The following ANGPTL6 variants were observed in gnomAD, a reference collection of about 807,000 sequenced individuals.
The protein encoded by ANGPTL6 is angiopoietin-related protein 6.
In ANGPTL6, 45 loss-of-function variants were observed where a neutral mutation model predicts 47.4. The observed-to-expected ratio is 0.95, with a 90% CI of 0.75 to 1.22. The LOEUF (loss-of-function observed/expected upper bound fraction) is 1.22. Among genes scored for constraint, ANGPTL6 ranks in the 50% most tolerant of loss-of-function variants. The pLI, the probability that ANGPTL6 is intolerant of heterozygous loss-of-function variation, is 0.00. For synonymous variants in ANGPTL6, 290 were observed against 295.9 expected, an observed-to-expected ratio of 0.98 and a Z score of 0.20; for missense variants, 698 against 669.4, an observed-to-expected ratio of 1.04 and a Z score of -0.47.
At chr19:10,103,355 CG>C (rs1287257545), upstream of ANGPTL6, among the ~76,000 whole-genome samples, 2 of 151,708 alleles carry the variant, frequency 1.3e-5, no homozygotes, top group African/African-American at 4.8e-5. Flanking sequence ...TTTGGGAGGC[CG>C]GGGCAGGTGG....
chr19:10,102,109 C>G lies in ANGPTL6; in HGVS notation c.-11+459G>C, dbSNP rs1254369030. Among the ~76,000 whole-genome samples, 3 of 112,142 alleles carry G rather than the reference C, an allele frequency of 2.7e-5. No individual in the cohort carries two copies. The East Asian group carries it at 7.5e-4, about 28-fold the overall frequency. The allele number at this position is 112,142 out of a possible 152,430, so 73.6% of individuals were successfully genotyped here. A position where few individuals can be genotyped will look rare whatever the true frequency, so the allele number is the denominator to read the frequency against. ...CCAGCCTGGGTGACAGAGCGAGACT[C>G]TGTCTCAAAAAAAAAAAAAAAAAAA... On this transcript the variant is annotated intron_variant, in intron 1 of 5. Coordinates refer to ENST00000253109, the MANE Select transcript of ANGPTL6 (RefSeq NM_031917.3).
chr19:10,094,646 A>C, intron 3 of ANGPTL6, 112 bp downstream of exon 3: 2 of 1,314,896 alleles, frequency 1.5e-6, no homozygotes, highest in South Asian at 2.4e-5. Flanking sequence ...TTTTAATCAG[A>C]ATAGGAGTAT....
chr19:10,100,203 C>T (rs1401790232), intron 1 of ANGPTL6, among the ~76,000 whole-genome samples: 1 of 151,756 alleles, frequency 6.6e-6, no homozygotes, highest in Non-Finnish European at 1.5e-5. Context: ...TGAGACCGCA[C>T]CACTGCCTTC....
intron 4 of ANGPTL6, 30 bp downstream of exon 4, chr19:10,093,663 C>A (rs181341264): frequency 6.2e-7 from 1 of 1,613,326 alleles, no homozygotes; most frequent in Non-Finnish European, 8.5e-7. Context: ...GGCTCCCTCC[C>A]CTTCCCTGCC....
At chr19:10,095,884 G>T in intron 2 of ANGPTL6, 98 bp downstream of exon 2, 2 of 758,628 alleles carry the variant, frequency 2.6e-6, no homozygotes, top group Non-Finnish European at 3.6e-6. Context: ...CCGGTTTTCA[G>T]GGTTTTGCGG....
rs949227445 is a variant in ANGPTL6 at position 10,096,459 on chromosome 19, C to G, written c.105G>C (p.Pro35=). Residue 35 remains proline, a synonymous_variant, in exon 2 of 6, where the codon CCG becomes CCC. Transcript: ENST00000253109. The part of the protein sequence containing the change: ...PRCTYTFVLP[P]QKFTGAVCWS... ...AGCACACAGCGCCCGTGAACTTCTG[C>G]GGGGGCAGCACGAAGGTGTAGGTGC... 2.0e-6 allele frequency: 3 copies of G among 1,472,370 alleles called. No homozygotes were observed. The highest frequency in any genetic ancestry group is 2.7e-6 in the Non-Finnish European group (3 of 1,120,646). The allele number at this position is 1,472,370 out of a possible 1,614,324, so 91.2% of individuals were successfully genotyped here. A position where few individuals can be genotyped will look rare whatever the true frequency, so the allele number is the denominator to read the frequency against.
intron 1 of ANGPTL6, among the ~76,000 whole-genome samples, chr19:10,097,261 C>T (rs957896037): frequency 6.6e-6 from 1 of 151,998 alleles, no homozygotes; most frequent in Non-Finnish European, 1.5e-5. Flanking sequence ...CAAAAATTAG[C>T]TGGGCATGGT....
At chr19:10,105,669 G>C (rs1323710789), upstream of ANGPTL6, among the ~76,000 whole-genome samples, 1 of 151,838 alleles carries the variant, frequency 6.6e-6, no homozygotes, top group Non-Finnish European at 1.5e-5. Flanking sequence ...GTGCCAGAGA[G>C]AGCAAGGAGG....
chr19:10,100,182 T>C (rs1291524693), intron 1 of ANGPTL6, among the ~76,000 whole-genome samples: 1 of 151,114 alleles, frequency 6.6e-6, no homozygotes, highest in Non-Finnish European at 1.5e-5. Flanking sequence ...CTGGCAGAGG[T>C]TGCAGTGAGC....
chr19:10,096,150 C>G lies in ANGPTL6; in HGVS notation c.414G>C (p.Leu138=). 2 of 1,333,980 alleles carry G rather than the reference C, an allele frequency of 1.5e-6. No individual in the cohort carries two copies. The highest frequency in any genetic ancestry group is 1.9e-5 in the South Asian group (1 of 52,452). 82.6% of individuals were successfully genotyped at this position (1,333,980 alleles called of 1,614,324 possible). A position where few individuals can be genotyped will look rare whatever the true frequency, so the allele number is the denominator to read the frequency against. The stretch of plus-strand genomic sequence containing the variant: ...ACGCGTTGAGCACGCGCTCCCCGAG[C>G]AGCGCCAGCGCCGCGGCAGGCTCCG... ...LGAEPAAALA[L]LGERVLNASA... is the part of the protein sequence containing the mutation. Residue 138 remains leucine (L), a synonymous_variant, in exon 2 of 6, where the codon CTG becomes CTC. Coordinates refer to ENST00000253109, the MANE Select transcript of ANGPTL6 (RefSeq NM_031917.3).
intron 1 of ANGPTL6, among the ~76,000 whole-genome samples, chr19:10,101,162 T>G (rs1274657723): frequency 6.6e-6 from 1 of 152,008 alleles, no homozygotes; most frequent in Non-Finnish European, 1.5e-5. Flanking sequence ...TGAGCCATGA[T>G]TGCACCACTG....
At chr19:10,093,907 C>T (rs752916914) in intron 3 of ANGPTL6, 27 bp from the exon 4 acceptor site, 1 of 1,601,894 alleles carries the variant, frequency 6.2e-7, no homozygotes, top group African/African-American at 1.3e-5. Context: ...AGGGGGGAGG[C>T]ACAGCCTGGG....
chr19:10,105,354 A>C (rs112652849), upstream of ANGPTL6, among the ~76,000 whole-genome samples: 809 of 152,232 alleles, frequency 5.3e-3, 7 homozygotes, highest in African/African-American at 0.018. Context: ...AGACAGATGG[A>C]GATGGGAGAG....
chr19:10,095,443 A>G (rs922085403), intron 2 of ANGPTL6, among the ~76,000 whole-genome samples: 2 of 152,202 alleles, frequency 1.3e-5, no homozygotes, highest in Admixed American at 6.5e-5. Flanking sequence ...AAGTGCAGAC[A>G]GAGCTGGGCT....
At chr19:10,101,767 C>T (rs1402457488) in intron 1 of ANGPTL6, among the ~76,000 whole-genome samples, 2 of 138,700 alleles carry the variant, frequency 1.4e-5, no homozygotes, top group African/African-American at 5.4e-5. Flanking sequence ...GCAGAGATTG[C>T]GCCATTGCAC....
rs746835776 is a variant in ANGPTL6, at chr19:10,096,128, C to T, written c.436G>A (p.Ala146Thr). Residue 146 changes from alanine to threonine, a missense_variant, in exon 2 of 6, where the codon GCG becomes ACG. Ala to Thr is a moderately conservative substitution (Grantham distance 58, BLOSUM62 0). Coordinates refer to ENST00000253109, the MANE Select transcript of ANGPTL6 (RefSeq NM_031917.3). ...LALLGERVLN[A>T]SAEAQRAAAR... The stretch of plus-strand genomic sequence containing the variant: ...GCTGCGCGCTGAGCCTCGGCGGACG[C>T]GTTGAGCACGCGCTCCCCGAGCAGC... 6.9e-7 allele frequency: 1 copy of T among 1,439,240 alleles called. No individual in the cohort carries two copies. Among genetic ancestry groups the T allele is most frequent in the Non-Finnish European group, 9.1e-7 (1 of 1,096,742 alleles). The allele number at this position is 1,439,240 out of a possible 1,614,324, so 89.2% of individuals were successfully genotyped here. A position where few individuals can be genotyped will look rare whatever the true frequency, so the allele number is the denominator to read the frequency against.
chr19:10,103,987 G>A (rs956383402), upstream of ANGPTL6, among the ~76,000 whole-genome samples: 4 of 151,058 alleles, frequency 2.6e-5, no homozygotes, highest in East Asian at 3.9e-4. Flanking sequence ...CAGCTACTCA[G>A]GAGGCTGAGG....
chr19:10,095,008 GA>G, intron 2 of ANGPTL6, 70 bp from the exon 3 acceptor site: 1 of 1,420,092 alleles, frequency 7.0e-7, no homozygotes, highest in Non-Finnish European at 9.4e-7. Context: ...CTCAGGGGCA[GA>G]AATGGTGGAT....
upstream of ANGPTL6, among the ~76,000 whole-genome samples, chr19:10,104,200 T>G (rs2088758599): frequency 6.6e-6 from 1 of 151,858 alleles, no homozygotes; most frequent in African/African-American, 2.4e-5. Flanking sequence ...TTCAACACTG[T>G]GAGACAAAAC....
Sources: gnomAD v4.1 joint callset for allele counts (sites outside exome capture counted in the v4.1 genomes callset) on GRCh38, gnomAD v4.1.1 for gene constraint, MANE v1.5 for transcripts, NCBI Gene and HGNC (gene_info 2026-07-23, HGNC 2026-07-21) for gene names.